CBFA2T3: variants seen among roughly 807,000 people sequenced by gnomAD.
CBFA2T3 encodes CBFA2/RUNX1 partner transcriptional co-repressor 3.
Under a neutral mutation model 58.6 loss-of-function variants are expected in CBFA2T3, and 31 were observed. That is an observed-to-expected ratio of 0.53 (90% CI 0.40 to 0.71). CBFA2T3 has a LOEUF of 0.71. Among genes scored for constraint, CBFA2T3 ranks in the 30% least tolerant of loss-of-function variants. The probability of loss-of-function intolerance (pLI) is 0.00; values close to 1 mark genes in which losing one functional copy is unlikely to be tolerated. For missense variants in CBFA2T3, 1,076 were observed against 963.1 expected (o/e 1.12, Z -1.55); for synonymous variants, 531 against 421.9 (o/e 1.26, Z -3.17).
chr16:88,884,930 G>A, intron 7 of CBFA2T3, 116 bp downstream of exon 7: 2 of 739,060 alleles, frequency 2.7e-6, no homozygotes, highest in Non-Finnish European at 4.3e-6. Flanking sequence ...GGTCTCCCGA[G>A]CTCAGGTGCA....
At chr16:88,949,157 T>G (rs1210802079) in intron 1 of CBFA2T3, among the ~76,000 whole-genome samples, 3 of 152,192 alleles carry the variant, frequency 2.0e-5, no homozygotes, top group Non-Finnish European at 4.4e-5. Flanking sequence ...CAGTTTAAAA[T>G]TAAGGCAGCC....
intron 5 of CBFA2T3, among the ~76,000 whole-genome samples, chr16:88,889,606 G>A (rs572048485): frequency 3.9e-5 from 6 of 152,112 alleles, no homozygotes; most frequent in Admixed American, 2.6e-4. Flanking sequence ...TTCCCCACCT[G>A]TTAATCAGGA....
At chr16:88,896,790 C>T (rs556032147) in intron 3 of CBFA2T3, among the ~76,000 whole-genome samples, 3 of 152,180 alleles carry the variant, frequency 2.0e-5, no homozygotes, top group Admixed American at 6.5e-5. Context: ...CCCACCGCCC[C>T]GGCCAGCCTG....
chr16:88,889,253 G>A (rs1166258967), intron 5 of CBFA2T3, among the ~76,000 whole-genome samples: 4 of 149,002 alleles, frequency 2.7e-5, no homozygotes, highest in African/African-American at 7.4e-5. Flanking sequence ...GGGAGCATGA[G>A]CACAGCAGGG....
Position 88,899,191 on chromosome 16 carries a change from T to C in CBFA2T3, c.305-1039A>G, listed in dbSNP as rs562898817. Among the ~76,000 whole-genome samples, 301 of 151,806 alleles carry C rather than the reference T, an allele frequency of 2.0e-3. 1 individual carries two copies. The highest frequency in any genetic ancestry group is 6.6e-3 in the African/African-American group (272 of 41,448). ...GTTCAGACTCAGTCTCCCATCAGCT[T>C]GGCTCAGAGGCCAGTCCCCGGGGAG... is the stretch of plus-strand genomic sequence containing the variant. On this transcript the variant is annotated intron_variant, in intron 2 of 11. Coordinates refer to ENST00000268679, the MANE Select transcript of CBFA2T3 (RefSeq NM_005187.6).
chr16:88,927,636 T>G (rs517632), intron 1 of CBFA2T3, among the ~76,000 whole-genome samples: 65,330 of 152,104 alleles, frequency 0.43, 14,638 homozygotes, highest in Middle Eastern at 0.6. Flanking sequence ...GGGGCTAGGC[T>G]GCAGCTGTAG....
In CBFA2T3 at chr16:88,875,224, C is replaced by T. The variant is rs1023060292; in HGVS notation, c.*1752G>A. 4.3e-6 allele frequency: 1 copy of T among 234,092 alleles called. No individual in the cohort carries two copies. Among genetic ancestry groups the T allele is most frequent in the Non-Finnish European group, 8.5e-6 (1 of 118,342 alleles). The allele number at this position is 234,092 out of a possible 1,614,324, so 14.5% of individuals were successfully genotyped here. ...ACGGGCCACGCCACACGCACAGATGCCAGGCTGCGGGCCGTGCCTGCTGTC... is the reference window on the plus strand; with the variant it reads ...ACGGGCCACGCCACACGCACAGATGTCAGGCTGCGGGCCGTGCCTGCTGTC... On this transcript the variant is annotated 3_prime_UTR_variant, in exon 12 of 12. Coordinates refer to ENST00000268679, the MANE Select transcript of CBFA2T3 (RefSeq NM_005187.6).
intron 11 of CBFA2T3, among the ~76,000 whole-genome samples, chr16:88,877,703 C>T (rs759281289): frequency 1.2e-4 from 18 of 152,106 alleles, no homozygotes; most frequent in Admixed American, 1.1e-3. Context: ...TCTGCTGCAC[C>T]CCCTCCACCT....
intron 1 of CBFA2T3, among the ~76,000 whole-genome samples, chr16:88,952,734 C>T (rs1972109810): frequency 6.6e-6 from 1 of 152,222 alleles, no homozygotes; most frequent in African/African-American, 2.4e-5. Context: ...TCTACCCTTC[C>T]TGAGTCTGGG....
At chr16:88,879,488 G>A (rs1276622398) in intron 10 of CBFA2T3, 28 bp from the exon 11 acceptor site, 3 of 1,593,742 alleles carry the variant, frequency 1.9e-6, no homozygotes, top group South Asian at 1.1e-5. Flanking sequence ...AGGGCTGGCG[G>A]TCACATGGGC....
chr16:88,889,758 G>A (rs1382999139), intron 5 of CBFA2T3, among the ~76,000 whole-genome samples: 6 of 142,918 alleles, frequency 4.2e-5, no homozygotes, highest in East Asian at 2.1e-4. Context: ...ACGACGCCCC[G>A]CGATTCCTCC....
Position 88,881,342 on chromosome 16 carries a change from C to T in CBFA2T3, c.1351G>A (p.Ala451Thr), listed in dbSNP as rs371447156. ...AEDTKKGPAP[A>T]AARPRSSSAG... ...GAGCTGCTGCGGGGCCGGGCCGCGG[C>T]GGGAGCGGGGCCCTTCTTTGTGTCC... The change falls in exon 9 of 12, where the codon GCC (alanine) becomes ACC (threonine). Residue 451 changes from alanine (A) to threonine (T), a missense_variant. By Grantham distance (58) the Ala-to-Thr change is moderately conservative. Transcript: ENST00000268679. The T allele has an allele frequency of 7.4e-5, 117 of 1,582,006 alleles. No individual in the cohort carries two copies. The highest frequency in any genetic ancestry group is 9.4e-5 in the Non-Finnish European group (110 of 1,165,658).
chr16:88,912,781 G>A (rs1016255750), intron 1 of CBFA2T3, among the ~76,000 whole-genome samples: 1 of 152,186 alleles, frequency 6.6e-6, no homozygotes, highest in Non-Finnish European at 1.5e-5. Flanking sequence ...GGGGCGGCTC[G>A]CTGCTGCAGG....
chr16:88,931,504 C>T (rs930549258), intron 1 of CBFA2T3, among the ~76,000 whole-genome samples: 6 of 151,992 alleles, frequency 3.9e-5, no homozygotes, highest in East Asian at 1.9e-4. Flanking sequence ...GTGCCAAGGA[C>T]GAGCCAGAGG....
chr16:88,885,384 G>A lies in CBFA2T3; in HGVS notation c.894-115C>T, dbSNP rs1321569674. On this transcript the variant is annotated intron_variant, in intron 6 of 11. Coordinates refer to ENST00000268679, the MANE Select transcript of CBFA2T3 (RefSeq NM_005187.6). This position sits in a 1 kb window ranked among gnomAD's most constrained non-coding sequence, Gnocchi z 5.3. ...GGCAGAGAGAAAGAGGACACGTAAG[G>A]GCGAGACAGAAACACGGAGCAAAAC... 14 of 666,866 alleles carry A rather than the reference G, an allele frequency of 2.1e-5. No homozygotes were observed. Among genetic ancestry groups the A allele is most frequent in the East Asian group, 1.6e-4 (5 of 30,930 alleles). 41.3% of individuals were successfully genotyped at this position (666,866 alleles called of 1,614,324 possible).
intron 2 of CBFA2T3, among the ~76,000 whole-genome samples, chr16:88,898,843 G>A (rs1368560078): frequency 6.6e-6 from 1 of 152,168 alleles, no homozygotes; most frequent in Non-Finnish European, 1.5e-5. Context: ...GGCGACGTAG[G>A]GAGACCCAAA....
At chr16:88,918,762 C>T (rs143890682) in intron 1 of CBFA2T3, among the ~76,000 whole-genome samples, 20 of 152,330 alleles carry the variant, frequency 1.3e-4, no homozygotes, top group Non-Finnish European at 2.2e-4. Flanking sequence ...CCCACATGGC[C>T]CAGCCCGGCC....
intron 1 of CBFA2T3, among the ~76,000 whole-genome samples, chr16:88,956,984 C>A (rs914230837): frequency 1.4e-5 from 2 of 142,462 alleles, no homozygotes; most frequent in African/African-American, 2.8e-5. Flanking sequence ...GAGACTGCGG[C>A]AGCCTGAAGT....
intron 1 of CBFA2T3, among the ~76,000 whole-genome samples, chr16:88,960,254 C>T (rs1972325487): frequency 6.6e-6 from 1 of 152,242 alleles, no homozygotes; most frequent in Admixed American, 6.5e-5. Context: ...TCTTCTGCCT[C>T]AAGCTCTAAG....
Sources: allele counts gnomAD v4.1 joint callset (sites outside exome capture counted in the v4.1 genomes callset), GRCh38; gene constraint gnomAD v4.1.1; non-coding constraint Gnocchi (gnomAD v3.1); transcripts MANE v1.5; gene names NCBI Gene and HGNC (gene_info 2026-07-23, HGNC 2026-07-21).